The following DOK5 variants were observed in gnomAD, a reference collection of about 807,000 sequenced individuals.
The protein encoded by DOK5 is docking protein 5.
In DOK5, 27 loss-of-function variants were observed where a neutral mutation model predicts 43.3. The observed-to-expected ratio is 0.62, with a 90% confidence interval of 0.46 to 0.86. The LOEUF is 0.86. DOK5 is among the 40% of genes least tolerant of loss of function. The pLI is 0.00. For synonymous variants in DOK5, 146 were observed against 140.1 expected (o/e 1.04, Z -0.30); for missense variants, 373 against 392.9 (o/e 0.95, Z 0.43).
Position 54,591,512 on chromosome 20 carries a change from C to A in DOK5, c.410-104C>A, listed in dbSNP as rs6023389. On this transcript the variant is annotated intron_variant, in intron 4 of 7. Coordinates refer to ENST00000262593, the MANE Select transcript of DOK5 (RefSeq NM_018431.5). ...ATCTTTCTGAATATGCAACCGAAAT[C>A]TAGAATGTGAACTTGAATTGTTTTT... 4.2e-3 allele frequency: 3,779 copies of A among 889,928 alleles called. 112 individuals carry two copies. The African/African-American group carries it at 0.056, about 13-fold the overall frequency. 55.1% of individuals were successfully genotyped at this position (889,928 alleles called of 1,614,324 possible). A position where few individuals can be genotyped will look rare whatever the true frequency, so the allele number is the denominator to read the frequency against.
At chr20:54,644,261 C>A (rs963755047) in intron 7 of DOK5, among the ~76,000 whole-genome samples, 1 of 152,184 alleles carries the variant, frequency 6.6e-6, no homozygotes. Flanking sequence ...GTGTGGACAA[C>A]ATGAACAATG....
At chr20:54,642,427 G>A (rs1979162578) in intron 6 of DOK5, among the ~76,000 whole-genome samples, 1 of 151,948 alleles carries the variant, frequency 6.6e-6, no homozygotes, top group South Asian at 2.1e-4. Flanking sequence ...AATTAGGCTG[G>A]GTGTGGTGGC....
rs535592001 is a variant in DOK5, at chr20:54,491,554, G to A, written c.66+15542G>A. 9.2e-5 allele frequency among the ~76,000 whole-genome samples: 14 copies of A among 152,140 alleles called. No homozygotes were observed. In the South Asian group the frequency reaches 2.9e-3, roughly 32 times the overall value. On this transcript the variant is annotated intron_variant, in intron 1 of 7. Coordinates refer to ENST00000262593, the MANE Select transcript of DOK5 (RefSeq NM_018431.5). ...CAATTTTCACCCCTGTCCTACTGCC[G>A]GCCATCTGCTATGAGCAGACCATGT...
intron 1 of DOK5, among the ~76,000 whole-genome samples, chr20:54,526,946 G>A (rs918412420): frequency 2.6e-5 from 4 of 152,266 alleles, no homozygotes; most frequent in South Asian, 4.2e-4. Flanking sequence ...GTTACATATT[G>A]AGGTACAATT....
chr20:54,618,891 C>A (rs1454266099), intron 6 of DOK5, among the ~76,000 whole-genome samples: 1 of 150,820 alleles, frequency 6.6e-6, no homozygotes, highest in Non-Finnish European at 1.5e-5. Context: ...ATGGTGCATG[C>A]CTGCAGTTCT....
intron 1 of DOK5, among the ~76,000 whole-genome samples, chr20:54,495,703 C>T (rs1982364196): frequency 6.6e-6 from 1 of 152,042 alleles, no homozygotes; most frequent in Admixed American, 6.6e-5. Context: ...CCAGCCTGGC[C>T]AACGTAGTGA....
intron 6 of DOK5, among the ~76,000 whole-genome samples, chr20:54,630,467 G>C (rs1568819792): frequency 6.6e-6 from 1 of 152,124 alleles, no homozygotes; most frequent in African/African-American, 2.4e-5. Flanking sequence ...GATGCCTACC[G>C]GTCATCCGGG....
intron 1 of DOK5, among the ~76,000 whole-genome samples, chr20:54,504,896 AGAATTTTGT>A (rs1218603248): frequency 1.3e-5 from 2 of 152,290 alleles, no homozygotes; most frequent in East Asian, 3.9e-4. Context: ...TACCCATTGG[AGAATTTTGT>A]GTAGCTAAAG....
chr20:54,592,313 T>A (rs962612337), intron 5 of DOK5, among the ~76,000 whole-genome samples: 1 of 152,142 alleles, frequency 6.6e-6, no homozygotes, highest in Non-Finnish European at 1.5e-5. Flanking sequence ...CTGAAAGAGA[T>A]TAATGCTAAA....
chr20:54,514,916 C>T (rs1983144277), intron 1 of DOK5, among the ~76,000 whole-genome samples: 1 of 151,736 alleles, frequency 6.6e-6, no homozygotes, highest in Non-Finnish European at 1.5e-5. Flanking sequence ...TTCTTCTCTT[C>T]TTCCTTCCTT....
chr20:54,631,843 G>A (rs1600752837), intron 6 of DOK5, among the ~76,000 whole-genome samples: 1 of 152,116 alleles, frequency 6.6e-6, no homozygotes, highest in East Asian at 1.9e-4. Flanking sequence ...ATTGTGGCAC[G>A]TGCCTGTAGT....
chr20:54,505,498 A>G (rs1982770952), intron 1 of DOK5, among the ~76,000 whole-genome samples: 1 of 152,188 alleles, frequency 6.6e-6, no homozygotes, highest in South Asian at 2.1e-4. Context: ...AGCCTATAAG[A>G]GTGAAGAAAC....
At chr20:54,615,429 A>G (rs1986775593) in intron 6 of DOK5, among the ~76,000 whole-genome samples, 1 of 152,172 alleles carries the variant, frequency 6.6e-6, no homozygotes, top group Admixed American at 6.5e-5. Flanking sequence ...TGGGTCGAAT[A>G]TAATCACAAT....
Position 54,605,062 on chromosome 20 carries a change from CGTT to C in DOK5, c.600-5324_600-5322del, listed in dbSNP as rs1986430351. ...ACACACACACGTATACACACACACA[CGTT>C]GAGGTCAAAATGTGTTCTGCTTTTG... On this transcript the variant is annotated intron_variant, in intron 5 of 7. Transcript: ENST00000262593. 2.7e-5 allele frequency among the ~76,000 whole-genome samples: 4 copies of C among 149,736 alleles called. 1 individual carries two copies. Among genetic ancestry groups the C allele is most frequent in the African/African-American group, 9.9e-5 (4 of 40,318 alleles).
intron 1 of DOK5, among the ~76,000 whole-genome samples, chr20:54,552,399 A>C (rs1438575417): frequency 6.6e-6 from 1 of 152,034 alleles, no homozygotes; most frequent in East Asian, 1.9e-4. Context: ...GACAGATAAT[A>C]TATGTATTAT....
At chr20:54,551,441 A>G (rs6098079) in intron 1 of DOK5, among the ~76,000 whole-genome samples, 3,090 of 152,258 alleles carry the variant, frequency 0.02, 104 homozygotes, top group African/African-American at 0.07. Flanking sequence ...TCTGTGGATT[A>G]TGCCTTTGAT....
chr20:54,499,882 C>T (rs532686654), intron 1 of DOK5, among the ~76,000 whole-genome samples: 54 of 152,310 alleles, frequency 3.5e-4, no homozygotes, highest in African/African-American at 1.3e-3. Context: ...AGATTGCTCA[C>T]CTCGGAACAG....
Position 54,599,880 on chromosome 20 carries a change from T to A in DOK5, c.599+8075T>A, listed in dbSNP as rs541697419. 2.6e-5 allele frequency among the ~76,000 whole-genome samples: 4 copies of A among 152,304 alleles called. No homozygotes were observed. The East Asian group carries it at 7.7e-4, about 29-fold the overall frequency. On this transcript the variant is annotated intron_variant, in intron 5 of 7. Coordinates refer to ENST00000262593, the MANE Select transcript of DOK5 (RefSeq NM_018431.5). ...TGCAGATGTAGCAGTGAAAACAACA[T>A]ACAACTTACTCAACAGAAGAGAGAG...
intron 1 of DOK5, among the ~76,000 whole-genome samples, chr20:54,484,400 C>G (rs919404231): frequency 1.3e-5 from 2 of 149,102 alleles, no homozygotes; most frequent in African/African-American, 5.1e-5. Flanking sequence ...AAGTTAAGAT[C>G]AATATTTCAT....
Sources: allele counts gnomAD v4.1 joint callset (sites outside exome capture counted in the v4.1 genomes callset), GRCh38; gene constraint gnomAD v4.1.1; transcripts MANE v1.5; gene names NCBI Gene and HGNC (gene_info 2026-07-23, HGNC 2026-07-21).